Variants in DAB2IP observed in about 807,000 individuals in gnomAD.
DAB2IP encodes disabled homolog 2-interacting protein.
Under a neutral mutation model 107.2 loss-of-function variants are expected in DAB2IP, and 28 were observed. That is an observed-to-expected ratio of 0.26 (90% CI 0.19 to 0.36). DAB2IP has a LOEUF of 0.36. Among genes scored for constraint, DAB2IP ranks in the 10% least tolerant of loss-of-function variants. The pLI is 1.00. For synonymous variants in DAB2IP, 755 were observed against 706.4 expected (o/e 1.07, Z -1.09); for missense variants, 1,400 against 1,644.7 (o/e 0.85, Z 2.57).
chr9:121,686,671 G>T (rs1046898432), intron 2 of DAB2IP, among the ~76,000 whole-genome samples: 6 of 152,152 alleles, frequency 3.9e-5, no homozygotes, highest in African/African-American at 1.4e-4. Flanking sequence ...CTGTAGGATG[G>T]CTCAGGCAAG....
In DAB2IP at chr9:121,761,841, G is replaced by C. The variant is rs147641366; in HGVS notation, c.1170+1402G>C. Among the ~76,000 whole-genome samples, 73 of 152,316 alleles carry C rather than the reference G, an allele frequency of 4.8e-4. 1 individual carries two copies. The East Asian group carries it at 0.014, about 29-fold the overall frequency. On this transcript the variant is annotated intron_variant, in intron 6 of 15. Transcript: ENST00000408936. ...CAAGGACCCATGGGCACCAGAGAGG[G>C]AGTGATGGGGGCTGCAGAGGCTGCA...
At chr9:121,584,540 C>T (rs1830273315) in intron 1 of DAB2IP, among the ~76,000 whole-genome samples, 1 of 152,290 alleles carries the variant, frequency 6.6e-6, no homozygotes. Flanking sequence ...CCCAAGTGCC[C>T]AGGGAGGACA....
At chr9:121,780,887 C>T (rs1193058310) in intron 14 of DAB2IP, among the ~76,000 whole-genome samples, 2 of 152,228 alleles carry the variant, frequency 1.3e-5, no homozygotes, top group Non-Finnish European at 2.9e-5. Context: ...TGCGACCTCC[C>T]AGCCCACCCT....
At chr9:121,682,980 T>G (rs1242967481) in intron 2 of DAB2IP, among the ~76,000 whole-genome samples, 2 of 151,740 alleles carry the variant, frequency 1.3e-5, no homozygotes, top group East Asian at 3.9e-4. Flanking sequence ...GGCCTGGGAG[T>G]AGATGACCAG....
intron 3 of DAB2IP, among the ~76,000 whole-genome samples, chr9:121,721,898 G>T (rs1830956686): frequency 6.6e-6 from 1 of 151,750 alleles, no homozygotes; most frequent in South Asian, 2.1e-4. Context: ...GAACTGGGAA[G>T]TGAGGGGCGG....
At chr9:121,628,263 C>T (rs1449272933) in intron 1 of DAB2IP, among the ~76,000 whole-genome samples, 1 of 152,122 alleles carries the variant, frequency 6.6e-6, no homozygotes, top group African/African-American at 2.4e-5. Flanking sequence ...ATTCCTAGCC[C>T]CCCTTAGTCA....
At position 121,702,615 on chromosome 9, in the gene DAB2IP, C is replaced by T. The variant is rs1010103639; in HGVS notation, c.362+3157C>T. Among the ~76,000 whole-genome samples the T allele has an allele frequency of 1.3e-5, 2 of 152,092 alleles. No individual in the cohort carries two copies. Among genetic ancestry groups the T allele is most frequent in the African/African-American group, 4.8e-5 (2 of 41,404 alleles). ...AGCGCTTTCCAGGTGAAAGGTGTGC[C>T]GGCAAAAGCATTTTCATTTTGCACA... On this transcript the variant is annotated intron_variant, in intron 3 of 15. Coordinates refer to ENST00000408936, the Ensembl canonical transcript of DAB2IP. The surrounding 1 kb of genome is among the most constrained non-coding windows in gnomAD (Gnocchi z 4.5).
chr9:121,783,310 C>A (rs1835789233), exon 16 of DAB2IP: 1 of 1,410,652 alleles, frequency 7.1e-7, no homozygotes, highest in East Asian at 2.6e-5. Context: ...CTAGGGCTCC[C>A]AGAAGCCAGA....
At chr9:121,663,877 G>T (rs1407672157) in intron 1 of DAB2IP, among the ~76,000 whole-genome samples, 1 of 152,162 alleles carries the variant, frequency 6.6e-6, no homozygotes, top group African/African-American at 2.4e-5. Context: ...TTCCCACATT[G>T]GGGCAACCCT....
intron 3 of DAB2IP, among the ~76,000 whole-genome samples, chr9:121,737,028 G>T (rs1022624162): frequency 1.1e-4 from 16 of 152,202 alleles, no homozygotes; most frequent in African/African-American, 3.9e-4. Context: ...GTCTGAGACC[G>T]GAATGAGGAG....
chr9:121,724,157 C>T (rs189880159), intron 3 of DAB2IP, among the ~76,000 whole-genome samples: 3 of 152,190 alleles, frequency 2.0e-5, no homozygotes, highest in African/African-American at 4.8e-5. Flanking sequence ...CTGGACCCTG[C>T]ACCGAGCCCT....
At chr9:121,725,884 G>A (rs760642344) in intron 3 of DAB2IP, among the ~76,000 whole-genome samples, 157 of 152,166 alleles carry the variant, frequency 1.0e-3, no homozygotes, top group Non-Finnish European at 1.8e-3. Flanking sequence ...ATTTTAAGAA[G>A]AGATGGGACC....
chr9:121,674,655 G>A (rs187985214), intron 1 of DAB2IP, among the ~76,000 whole-genome samples: 137 of 152,280 alleles, frequency 9.0e-4, no homozygotes, highest in African/African-American at 3.0e-3. Context: ...TCTGGTCTCA[G>A]CTTCATCATC....
intron 1 of DAB2IP, among the ~76,000 whole-genome samples, chr9:121,628,602 G>A (rs148581883): frequency 0.017 from 2,533 of 152,322 alleles, 39 homozygotes; most frequent in South Asian, 0.057. Context: ...AGGCTTCCCG[G>A]AAGAGGTGGG....
chr9:121,782,513 G>T lies in DAB2IP; in HGVS notation c.*15G>T, dbSNP rs1835737079. 1 of 1,612,380 alleles carries T rather than the reference G, an allele frequency of 6.2e-7. No individual in the cohort carries two copies. Among genetic ancestry groups the T allele is most frequent in the African/African-American group, 1.3e-5 (1 of 74,920 alleles). ...GCAATTGTTAACCTGCCTGAGGAGG[G>T]AGGAAGCTACCCAAGGAGAGGGGGA... On this transcript the variant is annotated 3_prime_UTR_variant, in exon 16 of 16. Coordinates refer to ENST00000408936, the Ensembl canonical transcript of DAB2IP. This position sits in a 1 kb window ranked among gnomAD's most constrained non-coding sequence, Gnocchi z 6.1.
chr9:121,679,236 A>G (rs1184100816), intron 2 of DAB2IP, among the ~76,000 whole-genome samples: 1 of 152,208 alleles, frequency 6.6e-6, no homozygotes, highest in Admixed American at 6.5e-5. Flanking sequence ...GCTATATATT[A>G]TAACTGATGA....
At position 121,701,420 on chromosome 9, in the gene DAB2IP, A is replaced by T. The variant is rs1013777328; in HGVS notation, c.362+1962A>T. ...AGTGAAACTACAAGCCTGTTTCTGG[A>T]AACAGTAGGAAACGGTAGCGGTTGG... On this transcript the variant is annotated intron_variant, in intron 3 of 15. Transcript: ENST00000408936. The surrounding 1 kb of genome is among the most constrained non-coding windows in gnomAD (Gnocchi z 4.7). Among the ~76,000 whole-genome samples, 1 of 152,212 alleles carries T rather than the reference A, an allele frequency of 6.6e-6. No individual in the cohort carries two copies. The highest frequency in any genetic ancestry group is 2.4e-5 in the African/African-American group (1 of 41,456).
At chr9:121,625,128 A>G (rs1178019718) in intron 1 of DAB2IP, among the ~76,000 whole-genome samples, 2 of 152,162 alleles carry the variant, frequency 1.3e-5, no homozygotes, top group Admixed American at 1.3e-4. Context: ...CCCATATTTT[A>G]CAGAGGAGGA....
intron 3 of DAB2IP, chr9:121,737,602 G>C (rs1386435847): frequency 1.0e-6 from 1 of 985,302 alleles, no homozygotes; most frequent in Admixed American, 6.1e-5. Flanking sequence ...GGGCCGGAGG[G>C]GCTGCTCACT....
Sources: gnomAD v4.1 joint callset for allele counts (sites outside exome capture counted in the v4.1 genomes callset) on GRCh38, gnomAD v4.1.1 for gene constraint, Gnocchi (gnomAD v3.1) non-coding constraint, MANE v1.5 for transcripts, NCBI Gene and HGNC (gene_info 2026-07-23, HGNC 2026-07-21) for gene names.